Variants in KLHL29 observed in about 807,000 individuals in gnomAD.
KLHL29 encodes the protein kelch-like protein 29.
In KLHL29, 21 loss-of-function variants were observed where a neutral mutation model predicts 80.4. The observed-to-expected ratio is 0.26, with a 90% confidence interval of 0.19 to 0.38. KLHL29 has a LOEUF of 0.38. Ranked by LOEUF, KLHL29 falls within the 10% of genes least tolerant of loss-of-function variation. KLHL29 has a pLI of 1.00. For synonymous variants in KLHL29, 511 were observed against 526.8 expected (o/e 0.97, Z 0.41); for missense variants, 867 against 1,223.9 (o/e 0.71, Z 4.35).
At chr2:23,666,772 C>T (rs1174317468) in intron 5 of KLHL29, among the ~76,000 whole-genome samples, 2 of 152,262 alleles carry the variant, frequency 1.3e-5, no homozygotes, top group Non-Finnish European at 2.9e-5. Flanking sequence ...ATCAAGTGCT[C>T]AGCCACAGGC....
intron 3 of KLHL29, among the ~76,000 whole-genome samples, chr2:23,585,182 C>T (rs756372743): frequency 3.3e-5 from 5 of 152,210 alleles, no homozygotes; most frequent in Admixed American, 2.0e-4. Flanking sequence ...AGTGACTGCT[C>T]GCCAAGAAAC....
intron 1 of KLHL29, among the ~76,000 whole-genome samples, chr2:23,449,805 G>A (rs1245862130): frequency 6.6e-6 from 1 of 152,134 alleles, no homozygotes; most frequent in Non-Finnish European, 1.5e-5. Context: ...GAACTCCTTG[G>A]AAAGCATAGC....
In KLHL29 at chr2:23,703,196, A is replaced by G. The variant is rs1347860657; in HGVS notation, c.2116A>G (p.Ile706Val). The G allele has an allele frequency of 6.9e-7, 1 of 1,452,188 alleles. No homozygotes were observed. The highest frequency in any genetic ancestry group is 1.5e-5 in the African/African-American group (1 of 68,894). 90.0% of individuals were successfully genotyped at this position (1,452,188 alleles called of 1,614,324 possible). A position where few individuals can be genotyped will look rare whatever the true frequency, so the allele number is the denominator to read the frequency against. ...NVDHVERYDT[I>V]TNQWEAVAPL... ...TCTCCTCTCCTGCAGGTACGACACCATCACCAACCAATGGGAGGCGGTGGC... is the reference window on the plus strand; with the variant it reads ...TCTCCTCTCCTGCAGGTACGACACCGTCACCAACCAATGGGAGGCGGTGGC... Residue 706 changes from isoleucine (I) to valine (V), a missense_variant, in exon 12 of 14, where the codon ATC becomes GTC. Coordinates refer to ENST00000486442, the MANE Select transcript of KLHL29 (RefSeq NM_052920.2).
chr2:23,571,280 G>A (rs754702882), intron 3 of KLHL29, among the ~76,000 whole-genome samples: 1 of 152,256 alleles, frequency 6.6e-6, no homozygotes, highest in Non-Finnish European at 1.5e-5. Context: ...GGGGGCGTGG[G>A]CTGAGCCTGC....
intron 1 of KLHL29, among the ~76,000 whole-genome samples, chr2:23,390,048 G>T (rs1048415236): frequency 2.6e-5 from 4 of 152,162 alleles, no homozygotes; most frequent in Non-Finnish European, 5.9e-5. Context: ...AGCAAACTCT[G>T]TGGTTCTTCC....
At chr2:23,430,802 G>A (rs1663149936) in intron 1 of KLHL29, among the ~76,000 whole-genome samples, 1 of 152,188 alleles carries the variant, frequency 6.6e-6, no homozygotes, top group Non-Finnish European at 1.5e-5. Context: ...CGGCCCTTGG[G>A]TAGCATTTGG....
chr2:23,559,602 T>A (rs1667392967), intron 2 of KLHL29, among the ~76,000 whole-genome samples: 1 of 152,064 alleles, frequency 6.6e-6, no homozygotes, highest in Non-Finnish European at 1.5e-5. Context: ...TAGAGGCGGC[T>A]TTCTCTGAGA....
intron 3 of KLHL29, among the ~76,000 whole-genome samples, chr2:23,576,104 A>C (rs1667835833): frequency 6.6e-6 from 1 of 152,206 alleles, no homozygotes. Flanking sequence ...CAGGAGTTTG[A>C]GACCAGCCTG....
At chr2:23,545,055 G>C (rs1666946907) in intron 2 of KLHL29, among the ~76,000 whole-genome samples, 1 of 152,208 alleles carries the variant, frequency 6.6e-6, no homozygotes, top group African/African-American at 2.4e-5. Context: ...GACGTGTTTA[G>C]GAGGCTGTGG....
chr2:23,679,102 C>T (rs1671005308), intron 5 of KLHL29, among the ~76,000 whole-genome samples: 1 of 151,618 alleles, frequency 6.6e-6, no homozygotes, highest in South Asian at 2.1e-4. Flanking sequence ...AAGGTGAAAC[C>T]AACACAGGGA....
intron 1 of KLHL29, among the ~76,000 whole-genome samples, chr2:23,405,753 C>T (rs1291818456): frequency 2.6e-5 from 4 of 152,132 alleles, no homozygotes; most frequent in East Asian, 3.9e-4. Context: ...GCTACAATGC[C>T]GTTGTGAGAG....
intron 1 of KLHL29, among the ~76,000 whole-genome samples, chr2:23,447,264 A>G (rs1029225880): frequency 6.6e-6 from 1 of 152,152 alleles, no homozygotes; most frequent in African/African-American, 2.4e-5. Flanking sequence ...GTTTTTGTAC[A>G]TGACGTGTTA....
chr2:23,611,174 C>T (rs766358046), intron 3 of KLHL29, among the ~76,000 whole-genome samples: 2 of 152,162 alleles, frequency 1.3e-5, no homozygotes, highest in African/African-American at 2.4e-5. Flanking sequence ...TAACAAGACA[C>T]GGTGAGCTGC....
intron 3 of KLHL29, among the ~76,000 whole-genome samples, chr2:23,564,397 G>A (rs1864806): frequency 0.21 from 32,414 of 152,112 alleles, 5,588 homozygotes; most frequent in African/African-American, 0.46. Context: ...GAGAGGGGGC[G>A]AAAGTTCATT....
At chr2:23,579,693 T>C (rs1667932489) in intron 3 of KLHL29, among the ~76,000 whole-genome samples, 1 of 152,152 alleles carries the variant, frequency 6.6e-6, no homozygotes, top group Non-Finnish European at 1.5e-5. Flanking sequence ...CTCTGTCACA[T>C]CCATCCTTTT....
intron 1 of KLHL29, among the ~76,000 whole-genome samples, chr2:23,396,591 C>G (rs111615072): frequency 2.0e-5 from 3 of 152,160 alleles, no homozygotes; most frequent in Non-Finnish European, 2.9e-5. Flanking sequence ...GCGTGCAGTG[C>G]GCTTGTCAGG....
In KLHL29 at chr2:23,491,087, G is replaced by A. The variant is rs554897177; in HGVS notation, c.-46+15420G>A. On this transcript the variant is annotated intron_variant, in intron 2 of 13. Coordinates refer to ENST00000486442, the MANE Select transcript of KLHL29 (RefSeq NM_052920.2). ...CATCTAGGTTTTAAGCCCTGCATGC[G>A]TTAGGTATATGTCCTAATGCTCTCC... is the stretch of plus-strand genomic sequence containing the variant. Among the ~76,000 whole-genome samples, 8 of 152,202 alleles carry A rather than the reference G, an allele frequency of 5.3e-5. No homozygotes were observed. In the East Asian group the frequency reaches 7.7e-4, roughly 15 times the overall value.
chr2:23,558,659 C>T (rs1446995067), intron 2 of KLHL29, among the ~76,000 whole-genome samples: 5 of 152,218 alleles, frequency 3.3e-5, no homozygotes, highest in Non-Finnish European at 7.3e-5. Flanking sequence ...CCACCTTGGC[C>T]TCCCAAAGTT....
chr2:23,491,383 T>C (rs1665097873), intron 2 of KLHL29, among the ~76,000 whole-genome samples: 1 of 152,050 alleles, frequency 6.6e-6, no homozygotes, highest in Non-Finnish European at 1.5e-5. Context: ...TCAGTATGAG[T>C]TCCTGTAGTG....
Sources: allele counts gnomAD v4.1 joint callset (sites outside exome capture counted in the v4.1 genomes callset), GRCh38; gene constraint gnomAD v4.1.1; transcripts MANE v1.5; gene names NCBI Gene and HGNC (gene_info 2026-07-23, HGNC 2026-07-21).